The following MAF variants were observed in gnomAD, a reference collection of about 807,000 sequenced individuals.
The protein encoded by MAF is MAF bZIP transcription factor, also known as transcription factor Maf.
In MAF, 10 loss-of-function variants were observed where a neutral mutation model predicts 22.0. The ratio of observed to expected loss-of-function variants is 0.45; its 90% CI spans 0.28 to 0.77. The LOEUF is 0.77. Among genes scored for constraint, MAF ranks in the 30% least tolerant of loss-of-function variants. The probability of loss-of-function intolerance (pLI) is 0.12; values close to 1 mark genes in which losing one functional copy is unlikely to be tolerated. For missense variants in MAF, 544 were observed against 548.4 expected, an observed-to-expected ratio of 0.99 and a Z score of 0.08; for synonymous variants, 337 against 255.8, an observed-to-expected ratio of 1.32 and a Z score of -3.03.
At chr16:79,419,617 C>A in the MAF span, among the ~76,000 whole-genome samples, 13 of 152,270 alleles carry the variant, frequency 8.5e-5, no homozygotes, top group East Asian at 2.5e-3. Context: ...AAGATCTGAC[C>A]CGTTCCTCTT....
chr16:79,473,504 A>T, the MAF span, among the ~76,000 whole-genome samples: 1 of 152,166 alleles, frequency 6.6e-6, no homozygotes, highest in Non-Finnish European at 1.5e-5. Flanking sequence ...ACCATAAAAA[A>T]TGCACAGCCT....
the MAF span, among the ~76,000 whole-genome samples, chr16:79,400,600 G>A: frequency 2.6e-5 from 4 of 152,050 alleles, no homozygotes; most frequent in Admixed American, 6.5e-5. Context: ...CCCCCTTCAC[G>A]GGTTTCCCAG....
At chr16:79,582,746 G>C (rs1284641212), downstream of MAF, among the ~76,000 whole-genome samples, 2 of 152,216 alleles carry the variant, frequency 1.3e-5, no homozygotes, top group Non-Finnish European at 2.9e-5. Context: ...CAGATATATT[G>C]ATGTAATTAG....
chr16:79,520,749 T>C, the MAF span, among the ~76,000 whole-genome samples: 1 of 151,962 alleles, frequency 6.6e-6, no homozygotes, highest in Non-Finnish European at 1.5e-5. Flanking sequence ...CCTGCTAGAG[T>C]GTATTTCTGC....
the MAF span, among the ~76,000 whole-genome samples, chr16:79,431,997 G>A: frequency 6.6e-5 from 10 of 151,812 alleles, no homozygotes; most frequent in South Asian, 2.1e-4. Context: ...CTAAAACCAC[G>A]GATATTTCCA....
the MAF span, among the ~76,000 whole-genome samples, chr16:79,373,358 G>T: frequency 1.4e-4 from 10 of 69,718 alleles, no homozygotes; most frequent in African/African-American, 4.3e-4. Flanking sequence ...GGGACTGGTA[G>T]CTTTTTTTTT....
chr16:79,380,738 C>T, the MAF span, among the ~76,000 whole-genome samples: 1 of 152,194 alleles, frequency 6.6e-6, no homozygotes, highest in South Asian at 2.1e-4. Context: ...AAGACTGAGG[C>T]CATAGAGCTA....
the MAF span, among the ~76,000 whole-genome samples, chr16:79,453,055 C>T: frequency 3.3e-5 from 5 of 152,140 alleles, no homozygotes; most frequent in Admixed American, 1.3e-4. Context: ...GATGGAAAAA[C>T]GATATAGAAG....
In MAF at chr16:79,599,837, A is replaced by G; in HGVS notation, c.66T>C (p.Val22=). 6.2e-7 allele frequency: 1 copy of G among 1,611,772 alleles called. No homozygotes were observed. The highest frequency in any genetic ancestry group is 8.5e-7 in the Non-Finnish European group (1 of 1,179,908). The part of the protein sequence containing the change: ...LPTSPLAMEY[V]NDFDLMKFEV... ...CAAACTTCATCAGATCGAAGTCATT[A>G]ACATATTCCATGGCCAGGGGACTGG... The change falls in exon 1 of 2, where the codon GTT becomes GTC. Residue 22 remains valine (V), a synonymous_variant. Transcript: ENST00000326043.
the MAF span, among the ~76,000 whole-genome samples, chr16:79,291,465 G>A: frequency 6.6e-6 from 1 of 152,100 alleles, no homozygotes; most frequent in South Asian, 2.1e-4. Flanking sequence ...AGCGGGTAGT[G>A]GCTTCCTGAA....
chr16:79,351,292 AC>A, the MAF span, among the ~76,000 whole-genome samples: 1 of 152,244 alleles, frequency 6.6e-6, no homozygotes, highest in East Asian at 1.9e-4. Context: ...AACATAGTTA[AC>A]AAGGAGTAGA....
chr16:79,287,743 A>G, the MAF span, among the ~76,000 whole-genome samples: 4 of 152,240 alleles, frequency 2.6e-5, no homozygotes, highest in Non-Finnish European at 5.9e-5. Flanking sequence ...TCATTCACTC[A>G]TTCTTTCATT....
the MAF span, among the ~76,000 whole-genome samples, chr16:79,260,530 G>A: frequency 1.6e-5 from 2 of 128,284 alleles, no homozygotes; most frequent in African/African-American, 5.6e-5. Context: ...TTACCACTAG[G>A]ATGGAAACAC....
chr16:79,510,406 T>C, the MAF span, among the ~76,000 whole-genome samples: 2 of 152,186 alleles, frequency 1.3e-5, no homozygotes, highest in Middle Eastern at 3.2e-3. Context: ...GGAGGTGTGG[T>C]ATCTCCCCGC....
the MAF span, among the ~76,000 whole-genome samples, chr16:79,253,339 G>C: frequency 1.3e-5 from 2 of 152,124 alleles, no homozygotes; most frequent in Non-Finnish European, 2.9e-5. Flanking sequence ...CTTTTCCCTG[G>C]ACTAAAGTGT....
the MAF span, among the ~76,000 whole-genome samples, chr16:79,528,728 A>G: frequency 1.3e-5 from 2 of 152,092 alleles, no homozygotes; most frequent in African/African-American, 4.8e-5. Flanking sequence ...CTATTATTGA[A>G]TGCATTTGCT....
chr16:79,489,122 C>A, the MAF span, among the ~76,000 whole-genome samples: 2 of 151,880 alleles, frequency 1.3e-5, no homozygotes, highest in Admixed American at 1.3e-4. Flanking sequence ...CATCCACTTA[C>A]CCATCCATCC....
At chr16:79,305,264 G>A in the MAF span, among the ~76,000 whole-genome samples, 1,592 of 152,288 alleles carry the variant, frequency 0.01, 32 homozygotes, top group African/African-American at 0.036. Flanking sequence ...AGAACCGGGC[G>A]GCCAAGCTGC....
the MAF span, among the ~76,000 whole-genome samples, chr16:79,543,381 G>A: frequency 4.0e-4 from 61 of 152,284 alleles, 1 homozygote; most frequent in East Asian, 8.3e-3. Context: ...TACACAAAAT[G>A]GGAATGGTGC....
Sources: gnomAD v4.1 joint callset for allele counts (sites outside exome capture counted in the v4.1 genomes callset) on GRCh38, gnomAD v4.1.1 for gene constraint, MANE v1.5 for transcripts, NCBI Gene and HGNC (gene_info 2026-07-23, HGNC 2026-07-21) for gene names.